Variants in VSIG8 observed in about 807,000 individuals in gnomAD.
VSIG8 encodes V-set and immunoglobulin domain containing 8.
VSIG8 carries 32 observed loss-of-function variants against 42.6 expected under a neutral mutation model. That is an observed-to-expected ratio of 0.75 (90% CI 0.57 to 1.01). The LOEUF (loss-of-function observed/expected upper bound fraction) is 1.01, where lower values mean the gene tolerates loss of function less well. VSIG8 is among the 50% of genes least tolerant of loss of function. The pLI, the probability that VSIG8 is intolerant of heterozygous loss-of-function variation, is 0.00. For missense variants in VSIG8, 529 were observed against 558.0 expected (o/e 0.95, Z 0.52); for synonymous variants, 290 against 243.8 (o/e 1.19, Z -1.77).
In VSIG8 at chr1:159,858,895, G is replaced by A. The variant is rs749208107; in HGVS notation, c.67C>T (p.Arg23Trp). 74 of 1,613,288 alleles carry A rather than the reference G, an allele frequency of 4.6e-5. 1 individual carries two copies. Among genetic ancestry groups the A allele is most frequent in the South Asian group, 4.1e-4 (37 of 91,030 alleles). Residue 23 changes from arginine (R) to tryptophan (W), a missense_variant, in exon 2 of 7, where the codon CGG becomes TGG. By Grantham distance (101) the Arg-to-Trp change is moderately radical (BLOSUM62 -3). Coordinates refer to ENST00000368100, the MANE Select transcript of VSIG8 (RefSeq NM_001013661.1). ...CLSPALLSAV[R>W]INGDGQEVLY... The stretch of plus-strand genomic sequence containing the variant: ...ACCTCCTGTCCATCCCCGTTGATCC[G>A]CACAGCAGACAGCAGTGCTAGGGGG...
At position 159,858,241 on chromosome 1, in the gene VSIG8, C is replaced by T; in HGVS notation, c.279G>A (p.Leu93=). Residue 93 remains leucine, a synonymous_variant, in exon 3 of 7, where the codon CTG becomes CTA. Transcript: ENST00000368100. ...KRINHGSLPH[L]QQRVRFAASD... ...AGGCTGCAAAGCGGACCCTCTGCTG[C>T]AGATGGGGAAGGCTGCCATGGTTGA... The T allele has an allele frequency of 1.9e-6, 3 of 1,614,220 alleles. No homozygotes were observed. Among genetic ancestry groups the T allele is most frequent in the Non-Finnish European group, 2.5e-6 (3 of 1,180,042 alleles).
rs1244247966 is a variant in VSIG8, at chr1:159,858,845, A to G, written c.117T>C (p.Asn39=). The G allele has an allele frequency of 1.2e-6, 2 of 1,613,930 alleles. No individual in the cohort carries two copies. Among genetic ancestry groups the G allele is most frequent in the Non-Finnish European group, 1.7e-6 (2 of 1,179,974 alleles). Residue 39 remains asparagine, a synonymous_variant, in exon 2 of 7, where the codon AAT becomes AAC. Transcript: ENST00000368100. ...GGACGTAGGGGCAGCCCAGCCTCAC[A>G]TTATCACCTTCTGCCAGGTACAGGA... ...QEVLYLAEGD[N]VRLGCPYVLD... is the part of the protein sequence containing the mutation.
intron 1 of VSIG8, chr1:159,862,216 G>T: frequency 2.4e-6 from 1 of 421,432 alleles, no homozygotes; most frequent in Non-Finnish European, 4.2e-6. Flanking sequence ...CTGCACACAT[G>T]TGTGAGCCCG....
rs1344567250 is a variant in VSIG8 at position 159,862,225 on chromosome 1, C to T, written c.49+248G>A. The T allele has an allele frequency of 3.0e-5, 13 of 434,810 alleles. No homozygotes were observed. In the South Asian group the frequency reaches 5.5e-4, roughly 18 times the overall value. The allele number at this position is 434,810 out of a possible 1,614,324, so 26.9% of individuals were successfully genotyped here. A position where few individuals can be genotyped will look rare whatever the true frequency, so the allele number is the denominator to read the frequency against. On this transcript the variant is annotated intron_variant, in intron 1 of 6. Coordinates refer to ENST00000368100, the MANE Select transcript of VSIG8 (RefSeq NM_001013661.1). Reference sequence around the variant, plus strand: ...GGGCACCTGCACACATGTGTGAGCCCGACAGGGGACATATAAAGATCCACT... The same window carrying T: ...GGGCACCTGCACACATGTGTGAGCCTGACAGGGGACATATAAAGATCCACT...
chr1:159,858,590 G>T, intron 2 of VSIG8, 144 bp downstream of exon 2: 2 of 902,224 alleles, frequency 2.2e-6, no homozygotes, highest in South Asian at 1.8e-5. Context: ...ATTCACAATT[G>T]CAGAGCTCTC....
Position 159,854,522 on chromosome 1 carries a change from G to T in VSIG8, c.*231C>A. ...TCTCCCCCAAGCCTTCGGTCCCGGG[G>T]GTGCGGAGAAGGCTCAGGATCGCCT... On this transcript the variant is annotated 3_prime_UTR_variant, in exon 7 of 7. Transcript: ENST00000368100. 1 of 795,458 alleles carries T rather than the reference G, an allele frequency of 1.3e-6. No individual in the cohort carries two copies. The highest frequency in any genetic ancestry group is 1.8e-6 in the Non-Finnish European group (1 of 568,526). 49.3% of individuals were successfully genotyped at this position (795,458 alleles called of 1,614,324 possible).
chr1:159,855,839 G>A, intron 6 of VSIG8, 44 bp downstream of exon 6: 1 of 1,504,232 alleles, frequency 6.6e-7, no homozygotes, highest in Non-Finnish European at 8.8e-7. Flanking sequence ...GCAGGGCGCC[G>A]GTTCCCTGCC....
intron 4 of VSIG8, among the ~76,000 whole-genome samples, 170 bp downstream of exon 4, chr1:159,857,575 C>CAAA (rs10683798): frequency 0.33 from 39,202 of 120,588 alleles, 7,360 homozygotes; most frequent in Admixed American, 0.43. Flanking sequence ...AACTCTGTCT[C>CAAA]AAAAAAAAAA....
Position 159,857,956 on chromosome 1 carries a change from T to A in VSIG8, c.441A>T (p.Ala147=). ...KVIVTVQARP[A]VPMCWTEGHM... ...GGCCCTCTGTCCAGCACATGGGCAC[T>A]GCAGGTCGTGCTGCAAGGAGGCAGA... Residue 147 remains alanine, a synonymous_variant, in exon 4 of 7, where the codon GCA becomes GCT. Coordinates refer to ENST00000368100, the MANE Select transcript of VSIG8 (RefSeq NM_001013661.1). 2.5e-6 allele frequency: 4 copies of A among 1,613,902 alleles called. No homozygotes were observed. The highest frequency in any genetic ancestry group is 3.4e-6 in the Non-Finnish European group (4 of 1,179,884).
intron 1 of VSIG8, among the ~76,000 whole-genome samples, chr1:159,859,138 A>G (rs1182279687): frequency 6.6e-6 from 1 of 152,128 alleles, no homozygotes; most frequent in East Asian, 1.9e-4. Flanking sequence ...GCTGTTATGT[A>G]TGCTTGTATG....
intron 1 of VSIG8, 24 bp downstream of exon 1, chr1:159,862,449 C>T (rs746629281): frequency 1.9e-6 from 3 of 1,604,494 alleles, no homozygotes; most frequent in Non-Finnish European, 1.7e-6. Context: ...TGCTGGCTAC[C>T]CTGCCCCCTG....
At chr1:159,857,632 C>A in intron 4 of VSIG8, 113 bp downstream of exon 4, 1 of 823,158 alleles carries the variant, frequency 1.2e-6, no homozygotes, top group Non-Finnish European at 1.9e-6. Flanking sequence ...GGGTCTCCCA[C>A]AGGGATTCCA....
Position 159,854,895 on chromosome 1 carries a change from G to A in VSIG8, c.1103C>T (p.Pro368Leu). 10 of 1,472,850 alleles carry A rather than the reference G, an allele frequency of 6.8e-6. No individual in the cohort carries two copies. The highest frequency in any genetic ancestry group is 8.0e-6 in the Non-Finnish European group (9 of 1,121,540). The allele number at this position is 1,472,850 out of a possible 1,614,324, so 91.2% of individuals were successfully genotyped here. ...GCAGGGCGCCAGGGCCACGTCCTCG[G>A]GGCCGCCGCAGGGGGGAGGCGCGTA... ...RKYAPPPCGG[P>L]EDVALAPCTA... The change falls in exon 7 of 7, where the codon CCC becomes CTC. Residue 368 changes from proline to leucine, a missense_variant. Pro to Leu is a moderately conservative substitution (Grantham distance 98, BLOSUM62 -3). Coordinates refer to ENST00000368100, the MANE Select transcript of VSIG8 (RefSeq NM_001013661.1).
At chr1:159,860,083 G>A (rs751031656) in intron 1 of VSIG8, among the ~76,000 whole-genome samples, 15 of 152,144 alleles carry the variant, frequency 9.9e-5, no homozygotes, top group Non-Finnish European at 1.6e-4. Context: ...CTCCGTCTGC[G>A]TTCTTTTTTG....
chr1:159,860,027 TC>T (rs1458772185), intron 1 of VSIG8, among the ~76,000 whole-genome samples: 1 of 152,046 alleles, frequency 6.6e-6, no homozygotes, highest in African/African-American at 2.4e-5. Flanking sequence ...CCTCCCAGTC[TC>T]CAGCAACCCT....
chr1:159,854,564 G>T lies in VSIG8; in HGVS notation c.*189C>A, dbSNP rs962334750. 1.3e-5 allele frequency: 15 copies of T among 1,151,270 alleles called. No individual in the cohort carries two copies. The highest frequency in any genetic ancestry group is 1.7e-5 in the Non-Finnish European group (15 of 886,074). 71.3% of individuals were successfully genotyped at this position (1,151,270 alleles called of 1,614,324 possible). On this transcript the variant is annotated 3_prime_UTR_variant, in exon 7 of 7. Coordinates refer to ENST00000368100, the MANE Select transcript of VSIG8 (RefSeq NM_001013661.1). The stretch of plus-strand genomic sequence containing the variant: ...GGATCGCCTTCCTCCGCCCTCGCCC[G>T]CCCCTTCCCACTTTTGGGGAGGAGG...
At chr1:159,861,958 C>T (rs1317618322) in intron 1 of VSIG8, 1 of 152,886 alleles carries the variant, frequency 6.5e-6, no homozygotes, top group Non-Finnish European at 1.5e-5. Flanking sequence ...GAAGAAACCA[C>T]TCAGACTTAC....
chr1:159,858,076 G>A lies in VSIG8; in HGVS notation c.430+14C>T. On this transcript the variant is annotated intron_variant, in intron 3 of 6. Transcript: ENST00000368100. ...AAGCCAGGGGGAGAGGAGCTTAGAG[G>A]AGTCTGGCCATACCTTGGACAGTGA... 1 of 1,614,194 alleles carries A rather than the reference G, an allele frequency of 6.2e-7. No homozygotes were observed. The highest frequency in any genetic ancestry group is 8.5e-7 in the Non-Finnish European group (1 of 1,180,016).
rs1194110545 is a variant in VSIG8, at chr1:159,858,861, A to G, written c.101T>C (p.Leu34Pro). 6.2e-7 allele frequency: 1 copy of G among 1,614,150 alleles called. No individual in the cohort carries two copies. ...INGDGQEVLY[L>P]AEGDNVRLGC... ...CAGCCTCACATTATCACCTTCTGCC[A>G]GGTACAGGACCTCCTGTCCATCCCC... The change falls in exon 2 of 7, where the codon CTG (leucine) becomes CCG (proline). Residue 34 changes from leucine (L) to proline (P), a missense_variant. Coordinates refer to ENST00000368100, the MANE Select transcript of VSIG8 (RefSeq NM_001013661.1).
Sources: allele counts gnomAD v4.1 joint callset (sites outside exome capture counted in the v4.1 genomes callset), GRCh38; gene constraint gnomAD v4.1.1; transcripts MANE v1.5; gene names NCBI Gene and HGNC (gene_info 2026-07-23, HGNC 2026-07-21).